The following CHD5 variants were observed in gnomAD, a reference collection of about 807,000 sequenced individuals.
CHD5 encodes the protein chromodomain helicase DNA binding protein 5, also known as ATP-dependent chromatin remodeler CHD5.
A neutral mutation model predicts 230.3 loss-of-function variants in CHD5; 69 were observed. The ratio of observed to expected loss-of-function variants is 0.30; its 90% CI spans 0.25 to 0.37. The LOEUF (loss-of-function observed/expected upper bound fraction) is 0.37. Ranked by LOEUF, CHD5 falls within the 10% of genes least tolerant of loss-of-function variation. The probability of loss-of-function intolerance (pLI) is 1.00; values close to 1 mark genes in which losing one functional copy is unlikely to be tolerated. For synonymous variants in CHD5, 1,064 were observed against 1,065.9 expected (o/e 1.00, Z 0.03); for missense variants, 1,827 against 2,622.8 (o/e 0.70, Z 6.63).
At chr1:6,169,830 A>G (rs1016144303) in intron 1 of CHD5, among the ~76,000 whole-genome samples, 3 of 152,068 alleles carry the variant, frequency 2.0e-5, no homozygotes, top group Non-Finnish European at 4.4e-5. Flanking sequence ...CTGTGCACTC[A>G]GGAGCACTCA....
At chr1:6,164,893 G>C (rs1667228590) in intron 2 of CHD5, among the ~76,000 whole-genome samples, 1 of 152,150 alleles carries the variant, frequency 6.6e-6, no homozygotes, top group South Asian at 2.1e-4. Flanking sequence ...GGAGAGAAAT[G>C]AGGGTACAGG....
intron 33 of CHD5, 55 bp from the exon 34 acceptor site, chr1:6,113,053 A>G: frequency 8.1e-7 from 1 of 1,234,388 alleles, no homozygotes. Context: ...AACACAGAGG[A>G]CTCTGGGCTC....
rs557091626 is a variant in CHD5, at chr1:6,160,933, C to T, written c.208-1418G>A. 1.5e-4 allele frequency among the ~76,000 whole-genome samples: 23 copies of T among 152,352 alleles called. No homozygotes were observed. The East Asian group carries it at 4.3e-3, about 28-fold the overall frequency. On this transcript the variant is annotated intron_variant, in intron 2 of 41. Coordinates refer to ENST00000262450, the MANE Select transcript of CHD5 (RefSeq NM_015557.3). ...CAACTGGCGAAGCCCTCCACAGCCC[C>T]TTCCCAGGGAGGGGCCGGGCAGCAC... is the stretch of plus-strand genomic sequence containing the variant.
rs1422084301 is a variant in CHD5 at position 6,104,304 on chromosome 1, G to A, written c.*1170C>T. On this transcript the variant is annotated 3_prime_UTR_variant, in exon 42 of 42. Coordinates refer to ENST00000262450, the MANE Select transcript of CHD5 (RefSeq NM_015557.3). ...GTGCTGCGGCTGGGAGGGGTCTGCA[G>A]AGGGCACTGGGTCCAGTCCCCCTCC... 6.6e-6 allele frequency: 1 copy of A among 152,258 alleles called. No homozygotes were observed. The highest frequency in any genetic ancestry group is 1.5e-5 in the Non-Finnish European group (1 of 68,080). The allele number at this position is 152,258 out of a possible 1,614,324, so 9.4% of individuals were successfully genotyped here.
chr1:6,159,006 C>CAAAAAAAAAAA (rs35569300), intron 3 of CHD5, among the ~76,000 whole-genome samples: 2 of 63,640 alleles, frequency 3.1e-5, no homozygotes, highest in African/African-American at 1.7e-4. Flanking sequence ...GACTCCGTCT[C>CAAAAAAAAAAA]AAAAAAAAAA....
At position 6,142,014 on chromosome 1, in the gene CHD5, C is replaced by T. The variant is rs375589239; in HGVS notation, c.2436+114G>A. 15 of 893,194 alleles carry T rather than the reference C, an allele frequency of 1.7e-5. No individual in the cohort carries two copies. Among genetic ancestry groups the T allele is most frequent in the African/African-American group, 3.3e-5 (2 of 60,546 alleles). 55.3% of individuals were successfully genotyped at this position (893,194 alleles called of 1,614,324 possible). On this transcript the variant is annotated intron_variant, in intron 15 of 41. Transcript: ENST00000262450. This position sits in a 1 kb window ranked among gnomAD's most constrained non-coding sequence, Gnocchi z 5.2. ...CTAGGACAAGCCCCTCAGAGCCTGC[C>T]GGCCTCGGTAGCCCTCCCAGGCTGA...
intron 7 of CHD5, among the ~76,000 whole-genome samples, chr1:6,149,848 G>C (rs1327586242): frequency 6.6e-6 from 1 of 151,124 alleles, no homozygotes; most frequent in Non-Finnish European, 1.5e-5. Flanking sequence ...ATGGACAAAT[G>C]GACGGATGAT....
Position 6,106,400 on chromosome 1 carries a change from A to T in CHD5, c.5852T>A (p.Val1951Glu). Residue 1951 changes from valine (V) to glutamate (E), a missense_variant, in exon 40 of 42, where the codon GTG (valine) becomes GAG (glutamate). Val to Glu is a moderately radical substitution (Grantham distance 121). Around this residue, in one of 14 missense-constraint regions of CHD5, gnomAD observed 208 missense variants for 302.0 expected, o/e 0.69. Transcript: ENST00000262450. Reference protein sequence around the residue: ...NYNQMPLGPYVTDI With the variant: ...NYNQMPLGPYETDI ...CGGAGCGGACGGGCACCTACCGGTCACATAGGGCCCCAGGGGCATCTGGTT... is the reference window on the plus strand; with the variant it reads ...CGGAGCGGACGGGCACCTACCGGTCTCATAGGGCCCCAGGGGCATCTGGTT... The T allele has an allele frequency of 6.3e-7, 1 of 1,599,488 alleles. No individual in the cohort carries two copies. Among genetic ancestry groups the T allele is most frequent in the Non-Finnish European group, 8.5e-7 (1 of 1,173,618 alleles).
rs1666917303 is a variant in CHD5, at chr1:6,146,707, T to C, written c.1548A>G (p.Ala516=). 1 of 1,613,782 alleles carries C rather than the reference T, an allele frequency of 6.2e-7. No individual in the cohort carries two copies. The highest frequency in any genetic ancestry group is 1.1e-5 in the South Asian group (1 of 91,042). ...AGGAGCAATGCCAGTAGGACAGCCC[T>C]GCCCACTTGACAAAGAACTCTCTCT... The part of the protein sequence containing the change: ...IPEREFFVKW[A]GLSYWHCSWV... The change falls in exon 10 of 42, where the codon GCA becomes GCG. Residue 516 remains alanine, a synonymous_variant. Coordinates refer to ENST00000262450, the MANE Select transcript of CHD5 (RefSeq NM_015557.3). The surrounding 1 kb of genome is among the most constrained non-coding windows in gnomAD (Gnocchi z 5.1).
At chr1:6,115,414 T>C (rs1307075116) in intron 33 of CHD5, among the ~76,000 whole-genome samples, 2 of 152,196 alleles carry the variant, frequency 1.3e-5, no homozygotes, top group African/African-American at 4.8e-5. Context: ...CAGAGCAGGT[T>C]CCGTTTTGCG....
chr1:6,161,742 G>A (rs1667180962), intron 2 of CHD5, among the ~76,000 whole-genome samples: 1 of 152,190 alleles, frequency 6.6e-6, no homozygotes, highest in Non-Finnish European at 1.5e-5. Context: ...CGCCCTTCAG[G>A]AGATCTGAGA....
intron 2 of CHD5, among the ~76,000 whole-genome samples, chr1:6,163,735 G>A (rs1233243760): frequency 2.0e-5 from 3 of 152,158 alleles, no homozygotes; most frequent in Non-Finnish European, 2.9e-5. Flanking sequence ...TGCAGGGGAG[G>A]AGACAGAGAC....
intron 17 of CHD5, 99 bp from the exon 18 acceptor site, chr1:6,135,502 AC>A: frequency 9.2e-7 from 1 of 1,082,606 alleles, no homozygotes; most frequent in Non-Finnish European, 1.3e-6. Flanking sequence ...TAGCTGGTGA[AC>A]CAGGGAGCCC....
chr1:6,121,445 A>C lies in CHD5; in HGVS notation c.4779+49T>G. On this transcript the variant is annotated intron_variant, in intron 32 of 41. Transcript: ENST00000262450. The surrounding 1 kb of genome is among the most constrained non-coding windows in gnomAD (Gnocchi z 4.5). ...GGGCCTGAGAAGGTCCCCAGACCCAACCTCCACCCCACACACACCACAGGC... is the reference window on the plus strand; with the variant it reads ...GGGCCTGAGAAGGTCCCCAGACCCACCCTCCACCCCACACACACCACAGGC... 1.3e-6 allele frequency: 2 copies of C among 1,556,414 alleles called. No individual in the cohort carries two copies. The highest frequency in any genetic ancestry group is 2.3e-5 in the South Asian group (2 of 87,454).
chr1:6,124,223 GCTA>G, intron 30 of CHD5, 116 bp from the exon 31 acceptor site: 1 of 1,049,036 alleles, frequency 9.5e-7, no homozygotes. Context: ...TGGGGTAGCT[GCTA>G]CCTCCGCCCA....
chr1:6,169,271 A>G (rs1472187223), intron 1 of CHD5, among the ~76,000 whole-genome samples: 1 of 152,238 alleles, frequency 6.6e-6, no homozygotes, highest in Non-Finnish European at 1.5e-5. Context: ...ACGGGAAGCC[A>G]AGCGCATTCC....
rs761147748 is a variant in CHD5 at position 6,168,163 on chromosome 1, C to T, written c.194G>A (p.Arg65Gln). The stretch of plus-strand genomic sequence containing the variant: ...GCTGCCCCTCACCTCTTTCTTCTTC[C>T]GCTTCCCTTTACACTTGTTTTCCTT... ...KLKENKCKGK[R>Q]KKKEGSNDEL... The change falls in exon 2 of 42, where the codon CGG (arginine) becomes CAG (glutamine). Residue 65 changes from arginine (R) to glutamine (Q), a missense_variant. Physicochemically the swap from Arg to Gln is conservative, Grantham distance 43. Transcript: ENST00000262450. 32 of 1,606,492 alleles carry T rather than the reference C, an allele frequency of 2.0e-5. No homozygotes were observed. Among genetic ancestry groups the T allele is most frequent in the Admixed American group, 6.7e-5 (4 of 59,800 alleles).
intron 2 of CHD5, among the ~76,000 whole-genome samples, chr1:6,160,081 C>T (rs867684661): frequency 1.4e-5 from 2 of 139,196 alleles, no homozygotes; most frequent in Admixed American, 6.9e-5. Flanking sequence ...GGGAAGGGCC[C>T]CAGCCAGAGA....
At chr1:6,169,033 A>G (rs60925969) in intron 1 of CHD5, among the ~76,000 whole-genome samples, 28,359 of 142,450 alleles carry the variant, frequency 0.2, 4,667 homozygotes, top group African/African-American at 0.46. Context: ...AAAAAAAAAA[A>G]AGAGAGAGAG....
Sources: allele counts gnomAD v4.1 joint callset (sites outside exome capture counted in the v4.1 genomes callset), GRCh38; gene constraint gnomAD v4.1.1; regional missense constraint gnomAD v4.1.1; non-coding constraint Gnocchi (gnomAD v3.1); transcripts MANE v1.5; gene names NCBI Gene and HGNC (gene_info 2026-07-23, HGNC 2026-07-21).